NUP155: variants seen among roughly 807,000 people sequenced by gnomAD.
NUP155 encodes the protein nuclear pore complex protein Nup155.
In NUP155, 71 loss-of-function variants were observed where a neutral mutation model predicts 180.4. The ratio of observed to expected loss-of-function variants is 0.39; its 90% CI spans 0.33 to 0.48. The LOEUF is 0.48. Among genes scored for constraint, NUP155 ranks in the 20% least tolerant of loss-of-function variants. NUP155 has a pLI of 0.91. For synonymous variants in NUP155, 582 were observed against 559.5 expected, an observed-to-expected ratio of 1.04 and a Z score of -0.57; for missense variants, 1,553 against 1,648.9, an observed-to-expected ratio of 0.94 and a Z score of 1.01.
At chr5:37,327,309 A>C (rs1744665386) in intron 18 of NUP155, 1 of 347,896 alleles carries the variant, frequency 2.9e-6, no homozygotes, top group African/African-American at 2.1e-5. Context: ...GTAATTAAGA[A>C]AGTCAAAAGT....
intron 3 of NUP155, among the ~76,000 whole-genome samples, chr5:37,363,198 G>A (rs892192630): frequency 6.6e-6 from 1 of 152,138 alleles, no homozygotes; most frequent in African/African-American, 2.4e-5. Context: ...AGGCGTTTGA[G>A]TCAGCGTGCT....
intron 34 of NUP155, among the ~76,000 whole-genome samples, chr5:37,292,406 T>C (rs216394): frequency 0.34 from 50,959 of 151,570 alleles, 13,768 homozygotes; most frequent in African/African-American, 0.75. Flanking sequence ...TTAGTAGAGA[T>C]GGGGTTTCAC....
intron 32 of NUP155, among the ~76,000 whole-genome samples, chr5:37,296,883 A>G (rs1018309952): frequency 1.3e-5 from 2 of 152,110 alleles, no homozygotes; most frequent in Non-Finnish European, 2.9e-5. Context: ...TAACAGCCAA[A>G]TTTATAGTTA....
chr5:37,304,900 C>T, intron 26 of NUP155, 57 bp from the exon 27 acceptor site: 2 of 1,528,078 alleles, frequency 1.3e-6, no homozygotes, highest in Non-Finnish European at 1.8e-6. Flanking sequence ...CTGGGCATCA[C>T]AACCCTTTAG....
chr5:37,339,213 G>GA (rs1293435365), intron 11 of NUP155, among the ~76,000 whole-genome samples: 1 of 150,174 alleles, frequency 6.7e-6, no homozygotes, highest in Non-Finnish European at 1.5e-5. Flanking sequence ...AACAAAACAT[G>GA]AGGCAGGAGG....
In NUP155 at chr5:37,349,243, G is replaced by T; in HGVS notation, c.832C>A (p.Pro278Thr). 3.8e-6 allele frequency: 3 copies of T among 791,886 alleles called. No individual in the cohort carries two copies. Among genetic ancestry groups the T allele is most frequent in the Non-Finnish European group, 5.8e-6 (3 of 514,010 alleles). 49.1% of individuals were successfully genotyped at this position (791,886 alleles called of 1,614,324 possible). The change falls in exon 8 of 35, where the codon CCT becomes ACT. Residue 278 changes from proline (P) to threonine (T), a missense_variant and splice_region_variant. By Grantham distance (38) the Pro-to-Thr change is conservative. Transcript: ENST00000231498. ...LLQFTFSEDD[P>T]ILQIAIDNSR... ...TTATCAATTGCAATTTGAAGAATAG[G>T]ATCTAAAAGTAAGACAAAAAAAAAA...
intron 31 of NUP155, 56 bp from the exon 32 acceptor site, chr5:37,299,034 T>A (rs370262070): frequency 2.2e-5 from 21 of 940,550 alleles, no homozygotes; most frequent in East Asian, 9.9e-5. Context: ...GTGAAATGTT[T>A]ACATTGGTTA....
At chr5:37,313,850 A>C (rs1743688440) in intron 22 of NUP155, among the ~76,000 whole-genome samples, 1 of 152,106 alleles carries the variant, frequency 6.6e-6, no homozygotes, top group Non-Finnish European at 1.5e-5. Context: ...TATAAGCAAA[A>C]GTCTGTGTGT....
At chr5:37,331,590 A>T in intron 14 of NUP155, 95 bp downstream of exon 14, 1 of 624,428 alleles carries the variant, frequency 1.6e-6, no homozygotes, top group Non-Finnish European at 2.7e-6. Flanking sequence ...ATATATATAT[A>T]TTTATTACAG....
intron 3 of NUP155, among the ~76,000 whole-genome samples, chr5:37,361,830 T>C (rs1430444154): frequency 6.6e-6 from 1 of 152,198 alleles, no homozygotes; most frequent in Non-Finnish European, 1.5e-5. Context: ...TGTGTCCTCC[T>C]AAAATTCATA....
In NUP155 at chr5:37,294,307, T is replaced by C. The variant is rs373400995; in HGVS notation, c.3930+22A>G. 10 of 1,444,562 alleles carry C rather than the reference T, an allele frequency of 6.9e-6. No individual in the cohort carries two copies. In the African/African-American group the frequency reaches 7.0e-5, roughly 10 times the overall value. The allele number at this position is 1,444,562 out of a possible 1,614,324, so 89.5% of individuals were successfully genotyped here. A position where few individuals can be genotyped will look rare whatever the true frequency, so the allele number is the denominator to read the frequency against. ...ACTTTAATTAAAGAAAATAATTTTA[T>C]GTTATTTAATATTTTCCTTACCCGT... is the stretch of plus-strand genomic sequence containing the variant. On this transcript the variant is annotated intron_variant, in intron 33 of 34. Coordinates refer to ENST00000231498, the MANE Select transcript of NUP155 (RefSeq NM_153485.3).
At chr5:37,337,387 AAAAC>A (rs1745400715) in intron 12 of NUP155, among the ~76,000 whole-genome samples, 1 of 152,214 alleles carries the variant, frequency 6.6e-6, no homozygotes, top group Non-Finnish European at 1.5e-5. Flanking sequence ...AATTAAAAAA[AAAAC>A]AGACAAAATT....
chr5:37,303,471 T>C, intron 27 of NUP155, 57 bp from the exon 28 acceptor site: 2 of 1,422,702 alleles, frequency 1.4e-6, no homozygotes, highest in South Asian at 1.2e-5. Context: ...ATAATGTTCC[T>C]GATAAGGAAA....
chr5:37,359,713 A>G lies in NUP155; in HGVS notation c.393-1562T>C, dbSNP rs1747073222. Among the ~76,000 whole-genome samples the G allele has an allele frequency of 1.3e-5, 2 of 152,210 alleles. 1 individual carries two copies. The highest frequency in any genetic ancestry group is 4.1e-4 in the South Asian group (2 of 4,836). On this transcript the variant is annotated intron_variant, in intron 3 of 34. Coordinates refer to ENST00000231498, the MANE Select transcript of NUP155 (RefSeq NM_153485.3). The stretch of plus-strand genomic sequence containing the variant: ...AGAAATCATGAGACACAAAATAACA[A>G]GAAAAAAAACCCCAGTGTCAAGAAA...
At chr5:37,349,675 A>G (rs1746335530) in intron 7 of NUP155, among the ~76,000 whole-genome samples, 3 of 152,182 alleles carry the variant, frequency 2.0e-5, no homozygotes. Flanking sequence ...GTTTGGCCTA[A>G]TTGATTGTGT....
rs560002661 is a variant in NUP155, at chr5:37,351,596, G to A, written c.557-240C>T. ...CGAGTAGCTGGGACTACAGGCGCCC[G>A]CCACCATGCCCAGCTAATTTTTTTT... On this transcript the variant is annotated intron_variant, in intron 5 of 34. Transcript: ENST00000231498. Among the ~76,000 whole-genome samples, 136 of 151,708 alleles carry A rather than the reference G, an allele frequency of 9.0e-4. No individual in the cohort carries two copies. The East Asian group carries it at 0.011, about 12-fold the overall frequency.
chr5:37,353,381 G>A (rs950169978), intron 4 of NUP155, among the ~76,000 whole-genome samples: 2 of 152,034 alleles, frequency 1.3e-5, no homozygotes, highest in African/African-American at 4.8e-5. Flanking sequence ...TCAGGAGTTT[G>A]AGACCAGCCT....
chr5:37,347,138 G>T (rs1420480230), intron 9 of NUP155, among the ~76,000 whole-genome samples: 1 of 152,128 alleles, frequency 6.6e-6, no homozygotes, highest in Non-Finnish European at 1.5e-5. Flanking sequence ...TTAGGTGGGA[G>T]AATCGCTTAA....
intron 9 of NUP155, among the ~76,000 whole-genome samples, chr5:37,343,317 G>T (rs139813654): frequency 6.6e-6 from 1 of 151,916 alleles, no homozygotes; most frequent in African/African-American, 2.4e-5. Flanking sequence ...CTCATGATCC[G>T]CCTGCCTTGG....
Sources: gnomAD v4.1 joint callset for allele counts (sites outside exome capture counted in the v4.1 genomes callset) on GRCh38, gnomAD v4.1.1 for gene constraint, MANE v1.5 for transcripts, NCBI Gene and HGNC (gene_info 2026-07-23, HGNC 2026-07-21) for gene names.